Variants in C12orf56 observed in about 807,000 individuals in gnomAD.
C12orf56 encodes the protein chromosome 12 open reading frame 56.
C12orf56 carries 71 observed loss-of-function variants against 69.9 expected under a neutral mutation model. The observed-to-expected ratio is 1.02, with a 90% CI of 0.84 to 1.24. The LOEUF (loss-of-function observed/expected upper bound fraction) is 1.24, where lower values mean the gene tolerates loss of function less well. Among genes scored for constraint, C12orf56 ranks in the 50% most tolerant of loss-of-function variants. The pLI, the probability that C12orf56 is intolerant of heterozygous loss-of-function variation, is 0.00. For synonymous variants in C12orf56, 276 were observed against 274.1 expected (o/e 1.01, Z -0.07); for missense variants, 732 against 738.5 (o/e 0.99, Z 0.10).
chr12:64,296,031 C>T (rs1189664355), intron 6 of C12orf56, among the ~76,000 whole-genome samples: 3 of 152,076 alleles, frequency 2.0e-5, no homozygotes, highest in Non-Finnish European at 4.4e-5. Context: ...AAGGTATTTC[C>T]AGAGGAGACT....
chr12:64,379,457 T>G (rs865965489), intron 1 of C12orf56, among the ~76,000 whole-genome samples: 3 of 152,002 alleles, frequency 2.0e-5, no homozygotes, highest in East Asian at 2.0e-4. Flanking sequence ...GCTATTTTTT[T>G]GTATTTTTTT....
chr12:64,270,533 TACCTGAA>T lies in C12orf56; in HGVS notation c.1759_1763+2del, dbSNP rs1334220280. 3.3e-6 allele frequency: 5 copies of T among 1,533,654 alleles called. No individual in the cohort carries two copies. The highest frequency in any genetic ancestry group is 4.6e-5 in the Admixed American group (2 of 43,918). On this transcript the variant is annotated splice_donor_variant and coding_sequence_variant, in exon 12 of 13. Coordinates refer to ENST00000543942, the MANE Select transcript of C12orf56 (RefSeq NM_001170633.2). LOFTEE classifies it high-confidence loss of function. ...CAGATTAGATTCAGACATTTTTTCT[TACCTGAA>T]TTCTTCTCTGTAGTTATTCCTAATA... is the stretch of plus-strand genomic sequence containing the variant.
intron 5 of C12orf56, among the ~76,000 whole-genome samples, chr12:64,305,670 A>C (rs1286309951): frequency 6.6e-6 from 1 of 152,216 alleles, no homozygotes; most frequent in Non-Finnish European, 1.5e-5. Context: ...GGCGTGAGCC[A>C]CTACGCCCGG....
chr12:64,304,814 G>A (rs1320773769), intron 5 of C12orf56, among the ~76,000 whole-genome samples: 1 of 152,130 alleles, frequency 6.6e-6, no homozygotes, highest in Non-Finnish European at 1.5e-5. Flanking sequence ...GCATTTTACA[G>A]GAAGTTGTGG....
intron 1 of C12orf56, among the ~76,000 whole-genome samples, chr12:64,355,584 T>G (rs1211975940): frequency 6.6e-6 from 1 of 152,194 alleles, no homozygotes; most frequent in African/African-American, 2.4e-5. Flanking sequence ...TATCTCAGAT[T>G]GAAGATAATT....
chr12:64,280,067 A>G (rs2038102222), intron 8 of C12orf56, among the ~76,000 whole-genome samples: 1 of 152,220 alleles, frequency 6.6e-6, no homozygotes, highest in East Asian at 1.9e-4. Flanking sequence ...ACATTTCAAG[A>G]AAGTTACAGC....
chr12:64,331,120 A>G (rs1036007505), intron 2 of C12orf56, 88 bp from the exon 3 acceptor site: 1 of 1,134,026 alleles, frequency 8.8e-7, no homozygotes, highest in African/African-American at 1.6e-5. Flanking sequence ...TGATTAAATG[A>G]CTGTTCATAA....
At chr12:64,325,568 C>T (rs1243941384) in intron 3 of C12orf56, among the ~76,000 whole-genome samples, 1 of 152,156 alleles carries the variant, frequency 6.6e-6, no homozygotes, top group Non-Finnish European at 1.5e-5. Flanking sequence ...GAATAGTACA[C>T]ATACATGAAT....
At chr12:64,354,574 C>T (rs1379711624) in intron 1 of C12orf56, among the ~76,000 whole-genome samples, 1 of 152,070 alleles carries the variant, frequency 6.6e-6, no homozygotes, top group African/African-American at 2.4e-5. Flanking sequence ...TCTCCTGCCT[C>T]AGCCTCCGGA....
At chr12:64,382,082 T>G (rs982154760) in intron 1 of C12orf56, among the ~76,000 whole-genome samples, 3 of 151,808 alleles carry the variant, frequency 2.0e-5, no homozygotes, top group African/African-American at 7.3e-5. Flanking sequence ...GCCAACATGG[T>G]GAAACCCCAT....
intron 1 of C12orf56, among the ~76,000 whole-genome samples, chr12:64,367,814 T>C (rs1355106407): frequency 2.0e-5 from 3 of 146,522 alleles, no homozygotes; most frequent in Non-Finnish European, 4.5e-5. Context: ...CTCTTTCTTT[T>C]TTTTTTTTTT....
chr12:64,319,784 A>G (rs918361015), intron 3 of C12orf56, among the ~76,000 whole-genome samples: 2 of 152,226 alleles, frequency 1.3e-5, no homozygotes, highest in African/African-American at 4.8e-5. Flanking sequence ...CTATCGCCTG[A>G]GAGCACAGTG....
intron 2 of C12orf56, among the ~76,000 whole-genome samples, chr12:64,342,616 T>C (rs2039089193): frequency 6.6e-6 from 1 of 152,104 alleles, no homozygotes; most frequent in Non-Finnish European, 1.5e-5. Flanking sequence ...CCACTTCCAT[T>C]TGATGATGGA....
intron 2 of C12orf56, among the ~76,000 whole-genome samples, chr12:64,339,108 AG>A (rs1489142736): frequency 6.6e-6 from 1 of 152,196 alleles, no homozygotes; most frequent in African/African-American, 2.4e-5. Context: ...ATGGTATATA[AG>A]CACTCAGGCC....
In C12orf56 at chr12:64,390,302, C is replaced by G; in HGVS notation, c.252+12G>C. 3 of 1,596,038 alleles carry G rather than the reference C, an allele frequency of 1.9e-6. No individual in the cohort carries two copies. Among genetic ancestry groups the G allele is most frequent in the East Asian group, 4.5e-5 (2 of 44,222 alleles). On this transcript the variant is annotated intron_variant, in intron 1 of 12. Transcript: ENST00000543942. ...GCGCTCCCGAGCCCGCCTGCCCACCCGCGCCGCTCACCAGGTCAATGGCCA... is the reference window on the plus strand; with the variant it reads ...GCGCTCCCGAGCCCGCCTGCCCACCGGCGCCGCTCACCAGGTCAATGGCCA...
At position 64,270,523 on chromosome 12, in the gene C12orf56, C is replaced by T; in HGVS notation, c.1763+13G>A. 1.3e-6 allele frequency: 2 copies of T among 1,509,930 alleles called. No individual in the cohort carries two copies. The highest frequency in any genetic ancestry group is 1.8e-6 in the Non-Finnish European group (2 of 1,127,054). 93.5% of individuals were successfully genotyped at this position (1,509,930 alleles called of 1,614,324 possible). A position where few individuals can be genotyped will look rare whatever the true frequency, so the allele number is the denominator to read the frequency against. On this transcript the variant is annotated intron_variant, in intron 12 of 12. Coordinates refer to ENST00000543942, the MANE Select transcript of C12orf56 (RefSeq NM_001170633.2). ...AATCTTACTGCAGATTAGATTCAGA[C>T]ATTTTTTCTTACCTGAATTCTTCTC... is the stretch of plus-strand genomic sequence containing the variant.
intron 4 of C12orf56, among the ~76,000 whole-genome samples, chr12:64,314,780 G>A (rs2038668393): frequency 6.6e-6 from 1 of 151,430 alleles, no homozygotes. Context: ...GACTATAGGC[G>A]CCCGCCACCA....
At position 64,318,940 on chromosome 12, in the gene C12orf56, G is replaced by T. The variant is rs2136839074; in HGVS notation, c.529C>A (p.Leu177Ile). 2 of 1,533,822 alleles carry T rather than the reference G, an allele frequency of 1.3e-6. No homozygotes were observed. The highest frequency in any genetic ancestry group is 4.9e-5 in the East Asian group (2 of 40,874). ...ESSTPSKDSTLCPRPGLKKLS... is the reference protein window; with the variant it reads ...ESSTPSKDSTICPRPGLKKLS... ...TTTTTGAGGCCTGGACGAGGACAGA[G>T]AGTTGAGTCCTTGGATGGTGTACTG... The change falls in exon 4 of 13, where the codon CTC (leucine) becomes ATC (isoleucine). Residue 177 changes from leucine (L) to isoleucine (I), a missense_variant. Transcript: ENST00000543942.
intron 12 of C12orf56, among the ~76,000 whole-genome samples, chr12:64,270,210 ACATGGTGAAACC>A (rs1476094638): frequency 6.6e-6 from 1 of 151,944 alleles, no homozygotes; most frequent in Non-Finnish European, 1.5e-5. Context: ...AGCCTGACCA[ACATGGTGAAACC>A]CTGTCTCTAC....
Sources: allele counts gnomAD v4.1 joint callset (sites outside exome capture counted in the v4.1 genomes callset), GRCh38; gene constraint gnomAD v4.1.1; transcripts MANE v1.5; gene names NCBI Gene and HGNC (gene_info 2026-07-23, HGNC 2026-07-21).